Variants in RASGRF2 observed in about 807,000 individuals in gnomAD.
RASGRF2 encodes ras-specific guanine nucleotide-releasing factor 2.
In RASGRF2, 76 loss-of-function variants were observed where a neutral mutation model predicts 151.0. The observed-to-expected ratio is 0.50, with a 90% CI of 0.42 to 0.61. The LOEUF (loss-of-function observed/expected upper bound fraction) is 0.61. Ranked by LOEUF, RASGRF2 falls within the 20% of genes least tolerant of loss-of-function variation. RASGRF2 has a pLI of 0.00. For synonymous variants in RASGRF2, 504 were observed against 566.5 expected (o/e 0.89, Z 1.57); for missense variants, 1,148 against 1,564.6 (o/e 0.73, Z 4.49).
chr5:81,113,364 G>C, intron 14 of RASGRF2, 174 bp from the exon 15 acceptor site: 1 of 739,156 alleles, frequency 1.4e-6, no homozygotes, highest in East Asian at 2.7e-5. Context: ...ATAAGTGTCT[G>C]TGCTTCTTTG....
intron 18 of RASGRF2, among the ~76,000 whole-genome samples, chr5:81,187,540 GAA>G (rs1005329098): frequency 1.1e-4 from 16 of 152,314 alleles, no homozygotes; most frequent in African/African-American, 3.6e-4. Context: ...TTGTGGAGAG[GAA>G]AACAAAACCT....
At chr5:81,113,373 T>C in intron 14 of RASGRF2, 165 bp from the exon 15 acceptor site, 1 of 787,954 alleles carries the variant, frequency 1.3e-6, no homozygotes, top group Non-Finnish European at 2.0e-6. Flanking sequence ...TGTGCTTCTT[T>C]GGCAGGTGGA....
intron 1 of RASGRF2, among the ~76,000 whole-genome samples, chr5:81,007,325 C>T (rs140930738): frequency 3.9e-5 from 6 of 152,130 alleles, no homozygotes; most frequent in Non-Finnish European, 7.4e-5. Context: ...TTTCTTTTTG[C>T]CTACTTTCTG....
intron 17 of RASGRF2, among the ~76,000 whole-genome samples, chr5:81,148,440 G>A (rs1044909306): frequency 1.3e-5 from 2 of 152,018 alleles, no homozygotes; most frequent in South Asian, 2.1e-4. Flanking sequence ...TCATAGTTTC[G>A]GTTTAATTTT....
Position 81,113,677 on chromosome 5 carries a change from A to G in RASGRF2, c.2227A>G (p.Arg743Gly). ...CAGAACATCTTCCCCAGTGAGGGCCAGAAAGCTGTCTTTGACTTCTCCCTT... is the reference window on the plus strand; with the variant it reads ...CAGAACATCTTCCCCAGTGAGGGCCGGAAAGCTGTCTTTGACTTCTCCCTT... ...VSRTSSPVRARKLSLTSPLNS... is the reference protein window; with the variant it reads ...VSRTSSPVRAGKLSLTSPLNS... The change falls in exon 15 of 27, where the codon AGA becomes GGA. Residue 743 changes from arginine to glycine, a missense_variant. Around this residue, in one of 5 missense-constraint regions of RASGRF2, gnomAD observed 646 missense variants for 807.4 expected, o/e 0.80. Coordinates refer to ENST00000265080, the MANE Select transcript of RASGRF2 (RefSeq NM_006909.3). 6.2e-7 allele frequency: 1 copy of G among 1,613,644 alleles called. No homozygotes were observed. The highest frequency in any genetic ancestry group is 8.5e-7 in the Non-Finnish European group (1 of 1,179,534).
chr5:81,042,850 GT>G, intron 1 of RASGRF2, 26 bp from the exon 2 acceptor site: 2 of 1,524,032 alleles, frequency 1.3e-6, no homozygotes, highest in South Asian at 2.4e-5. Flanking sequence ...ATAGAACTAA[GT>G]TTTTTGTGTT....
chr5:81,112,018 T>C (rs906257331), intron 13 of RASGRF2, among the ~76,000 whole-genome samples: 1 of 152,222 alleles, frequency 6.6e-6, no homozygotes, highest in African/African-American at 2.4e-5. Flanking sequence ...TGGCTTCATC[T>C]TCCTAATAAA....
chr5:81,100,390 GTC>G (rs980846501), intron 12 of RASGRF2, among the ~76,000 whole-genome samples: 4 of 151,558 alleles, frequency 2.6e-5, no homozygotes, highest in East Asian at 3.9e-4. Flanking sequence ...GCTTTGCCAG[GTC>G]TCTCTCTCTC....
chr5:81,222,431 G>A (rs1755875629), intron 26 of RASGRF2, among the ~76,000 whole-genome samples: 1 of 152,126 alleles, frequency 6.6e-6, no homozygotes, highest in Admixed American at 6.5e-5. Flanking sequence ...TGTCTGGAGT[G>A]CCCTTTCTTC....
intron 25 of RASGRF2, 98 bp downstream of exon 25, chr5:81,217,571 CTTCTTTTTTT>C: frequency 1.4e-5 from 5 of 360,650 alleles, no homozygotes; most frequent in Non-Finnish European, 1.6e-5. Flanking sequence ...TTTTTTTTCT[CTTCTTTTTTT>C]TTTTTTTTTT....
chr5:81,014,793 C>T (rs1195458472), intron 1 of RASGRF2, among the ~76,000 whole-genome samples: 2 of 152,166 alleles, frequency 1.3e-5, no homozygotes, highest in East Asian at 3.8e-4. Context: ...GTTTATTTAA[C>T]TTGTCTCCTA....
intron 17 of RASGRF2, among the ~76,000 whole-genome samples, chr5:81,134,684 A>C (rs566403653): frequency 1.3e-5 from 2 of 152,212 alleles, no homozygotes; most frequent in Non-Finnish European, 2.9e-5. Flanking sequence ...CTGTTTAAAA[A>C]TCTGACTCCA....
chr5:81,092,157 A>G (rs755092801), intron 9 of RASGRF2, among the ~76,000 whole-genome samples: 14 of 152,180 alleles, frequency 9.2e-5, no homozygotes, highest in Admixed American at 1.3e-4. Context: ...CTAGGAGTAT[A>G]CTGGGTATAG....
At chr5:81,059,718 A>G (rs1751357588) in intron 2 of RASGRF2, among the ~76,000 whole-genome samples, 1 of 151,134 alleles carries the variant, frequency 6.6e-6, no homozygotes, top group Non-Finnish European at 1.5e-5. Flanking sequence ...GGTGGCGGGC[A>G]CCTGTAATCC....
intron 7 of RASGRF2, 38 bp from the exon 8 acceptor site, chr5:81,085,764 C>G (rs1752211149): frequency 3.1e-6 from 5 of 1,612,996 alleles, no homozygotes; most frequent in Non-Finnish European, 4.2e-6. Context: ...GTCACCCATC[C>G]TGATGTCTTG....
intron 1 of RASGRF2, among the ~76,000 whole-genome samples, chr5:81,036,404 A>C (rs1750494972): frequency 6.6e-6 from 1 of 152,092 alleles, no homozygotes; most frequent in South Asian, 2.1e-4. Flanking sequence ...AAATATTGTT[A>C]TTAATTCTTA....
intron 16 of RASGRF2, among the ~76,000 whole-genome samples, chr5:81,124,239 C>G (rs548257125): frequency 6.6e-6 from 1 of 152,282 alleles, no homozygotes; most frequent in African/African-American, 2.4e-5. Flanking sequence ...CAATACCCTA[C>G]AGGAAACAAG....
At chr5:81,207,005 G>T (rs1165720395) in intron 20 of RASGRF2, 100 bp downstream of exon 20, 1 of 1,053,868 alleles carries the variant, frequency 9.5e-7, no homozygotes, top group Non-Finnish European at 1.5e-6. Context: ...TGTAGTATTA[G>T]GCCCTCTGTC....
chr5:81,132,919 A>G (rs1350621021), intron 17 of RASGRF2, among the ~76,000 whole-genome samples: 1 of 152,232 alleles, frequency 6.6e-6, no homozygotes, highest in Non-Finnish European at 1.5e-5. Context: ...GAAGAGGCCC[A>G]TACAAATTGA....
Sources: allele counts gnomAD v4.1 joint callset (sites outside exome capture counted in the v4.1 genomes callset), GRCh38; gene constraint gnomAD v4.1.1; regional missense constraint gnomAD v4.1.1; transcripts MANE v1.5; gene names NCBI Gene and HGNC (gene_info 2026-07-23, HGNC 2026-07-21).